JAKMIP2: variants seen among roughly 807,000 people sequenced by gnomAD.
JAKMIP2 encodes janus kinase and microtubule interacting protein 2.
A neutral mutation model predicts 115.0 loss-of-function variants in JAKMIP2; 25 were observed. That is an observed-to-expected ratio of 0.22 (90% CI 0.16 to 0.30). The LOEUF (loss-of-function observed/expected upper bound fraction) is 0.30, where lower values mean the gene tolerates loss of function less well. JAKMIP2 is among the 10% of genes least tolerant of loss of function. The pLI, the probability that JAKMIP2 is intolerant of heterozygous loss-of-function variation, is 1.00. For synonymous variants in JAKMIP2, 334 were observed against 343.6 expected, an observed-to-expected ratio of 0.97 and a Z score of 0.31; for missense variants, 642 against 957.6, an observed-to-expected ratio of 0.67 and a Z score of 4.35.
intron 4 of JAKMIP2, 111 bp from the exon 5 acceptor site, chr5:147,648,585 T>G (rs1758246414): frequency 1.6e-6 from 1 of 644,444 alleles, no homozygotes; most frequent in East Asian, 2.6e-5. Context: ...ATCTGGCTCC[T>G]GAAGTGAGAA....
intron 20 of JAKMIP2, among the ~76,000 whole-genome samples, chr5:147,608,383 T>C (rs1364657418): frequency 2.6e-5 from 4 of 152,230 alleles, no homozygotes; most frequent in Non-Finnish European, 5.9e-5. Context: ...GTCTTTGTTC[T>C]CATTGGTTTC....
intron 1 of JAKMIP2, among the ~76,000 whole-genome samples, chr5:147,747,146 C>A (rs982280728): frequency 2.0e-5 from 3 of 152,024 alleles, no homozygotes; most frequent in African/African-American, 7.2e-5. Flanking sequence ...TTTTGAAAAA[C>A]CAAGATTCCT....
At position 147,589,270 on chromosome 5, in the gene JAKMIP2, A is replaced by C. The variant is rs1418154133; in HGVS notation, c.*2437T>G. On this transcript the variant is annotated 3_prime_UTR_variant, in exon 22 of 22. Coordinates refer to ENST00000616793, the MANE Select transcript of JAKMIP2 (RefSeq NM_001270941.2). ...GAGACCAGCCTGACCAGCATAGTGA[A>C]ACCCTGTCTCTACTAAAAATACAAA... The C allele has an allele frequency of 1.3e-5, 2 of 152,234 alleles. No individual in the cohort carries two copies. The highest frequency in any genetic ancestry group is 4.8e-5 in the African/African-American group (2 of 41,426). 9.4% of individuals were successfully genotyped at this position (152,234 alleles called of 1,614,324 possible). A position where few individuals can be genotyped will look rare whatever the true frequency, so the allele number is the denominator to read the frequency against.
At chr5:147,660,810 T>C in intron 3 of JAKMIP2, 138 bp downstream of exon 3, 1 of 923,148 alleles carries the variant, frequency 1.1e-6, no homozygotes, top group Non-Finnish European at 1.7e-6. Context: ...TGATCTATCT[T>C]GGATAGAGCA....
intron 18 of JAKMIP2, among the ~76,000 whole-genome samples, 191 bp from the exon 19 acceptor site, chr5:147,618,305 G>T (rs962266765): frequency 1.3e-5 from 2 of 152,106 alleles, no homozygotes; most frequent in African/African-American, 4.8e-5. Flanking sequence ...ATTCCATAAG[G>T]GTCATCTAGC....
At chr5:147,698,209 A>G (rs1258141997) in intron 1 of JAKMIP2, among the ~76,000 whole-genome samples, 1 of 152,188 alleles carries the variant, frequency 6.6e-6, no homozygotes, top group Non-Finnish European at 1.5e-5. Flanking sequence ...ATGACCCCAT[A>G]GCCTCTTTGT....
chr5:147,657,034 C>T (rs1463398043), intron 3 of JAKMIP2, among the ~76,000 whole-genome samples: 1 of 152,162 alleles, frequency 6.6e-6, no homozygotes, highest in Non-Finnish European at 1.5e-5. Context: ...AATCCCAGCA[C>T]TTTGGGAGGC....
Position 147,640,606 on chromosome 5 carries a change from T to C in JAKMIP2, c.1401+98A>G, listed in dbSNP as rs1044956612. 4 of 1,277,746 alleles carry C rather than the reference T, an allele frequency of 3.1e-6. No homozygotes were observed. In the Admixed American group the frequency reaches 8.0e-5, roughly 26 times the overall value. 79.2% of individuals were successfully genotyped at this position (1,277,746 alleles called of 1,614,324 possible). A position where few individuals can be genotyped will look rare whatever the true frequency, so the allele number is the denominator to read the frequency against. The stretch of plus-strand genomic sequence containing the variant: ...TATTATGAGATCACTTTGTGCTGTT[T>C]ATATAAAGGAGATGAAAAGTGAAAT... On this transcript the variant is annotated intron_variant, in intron 9 of 21. Coordinates refer to ENST00000616793, the MANE Select transcript of JAKMIP2 (RefSeq NM_001270941.2).
In JAKMIP2 at chr5:147,644,922, G is replaced by C; in HGVS notation, c.1011C>G (p.Asn337Lys). The change falls in exon 6 of 22, where the codon AAC (asparagine) becomes AAG (lysine). Residue 337 changes from asparagine (N) to lysine (K), a missense_variant. Around this residue, in one of 6 missense-constraint regions of JAKMIP2, gnomAD observed 439 missense variants for 570.9 expected, o/e 0.77. Coordinates refer to ENST00000616793, the MANE Select transcript of JAKMIP2 (RefSeq NM_001270941.2). ...GCTGCAAGGACACCATCAGTTCATC[G>C]TTTCTCTTGGCGAGGCACTTGTTCC... Reference protein sequence around the residue: ...LERNKCLAKRNDELMVSLQRM... With the variant: ...LERNKCLAKRKDELMVSLQRM... 1 of 1,613,716 alleles carries C rather than the reference G, an allele frequency of 6.2e-7. No individual in the cohort carries two copies. The highest frequency in any genetic ancestry group is 2.2e-5 in the East Asian group (1 of 44,850).
chr5:147,656,188 T>C (rs1416151234), intron 3 of JAKMIP2, among the ~76,000 whole-genome samples: 1 of 152,196 alleles, frequency 6.6e-6, no homozygotes, highest in African/African-American at 2.4e-5. Context: ...GAATAGAGAG[T>C]TCTGTTCTAT....
intron 1 of JAKMIP2, among the ~76,000 whole-genome samples, chr5:147,676,456 G>A (rs541891301): frequency 3.4e-4 from 52 of 152,196 alleles, no homozygotes; most frequent in Non-Finnish European, 7.3e-4. Context: ...TTATCCGGAG[G>A]AAGGATAGGA....
At chr5:147,736,218 G>C (rs2126982110) in intron 1 of JAKMIP2, among the ~76,000 whole-genome samples, 1 of 152,144 alleles carries the variant, frequency 6.6e-6, no homozygotes, top group South Asian at 2.1e-4. Flanking sequence ...CACTTTGAGA[G>C]GCCATGGCAG....
intron 9 of JAKMIP2, among the ~76,000 whole-genome samples, chr5:147,640,277 C>T (rs867406027): frequency 6.6e-6 from 1 of 152,076 alleles, no homozygotes; most frequent in Non-Finnish European, 1.5e-5. Context: ...TCCTAAGATC[C>T]TGAGTCAGGA....
intron 20 of JAKMIP2, among the ~76,000 whole-genome samples, chr5:147,602,319 G>A (rs1209837214): frequency 6.6e-6 from 1 of 152,110 alleles, no homozygotes; most frequent in Non-Finnish European, 1.5e-5. Flanking sequence ...TTAATCTGTA[G>A]GCTAAATATA....
chr5:147,596,786 A>G (rs1338560121), intron 21 of JAKMIP2, among the ~76,000 whole-genome samples: 1 of 152,196 alleles, frequency 6.6e-6, no homozygotes, highest in Non-Finnish European at 1.5e-5. Flanking sequence ...TTTACACAAA[A>G]AGGAATTACT....
chr5:147,705,544 TGG>T lies in JAKMIP2; in HGVS notation c.-148-33592_-148-33591del, dbSNP rs1284160664. Among the ~76,000 whole-genome samples the T allele has an allele frequency of 2.6e-5, 4 of 152,060 alleles. No individual in the cohort carries two copies. In the East Asian group the frequency reaches 7.7e-4, roughly 29 times the overall value. ...AACATTACACCACTGCACTCCAGCC[TGG>T]GTGACAGAGTGAGACCTGTCTCAAA... On this transcript the variant is annotated intron_variant, in intron 1 of 21. Transcript: ENST00000616793.
chr5:147,696,213 T>C (rs543160876), intron 1 of JAKMIP2, among the ~76,000 whole-genome samples: 5 of 152,288 alleles, frequency 3.3e-5, no homozygotes, highest in South Asian at 4.1e-4. Flanking sequence ...ATACTTCTGA[T>C]ATGGTTTGGC....
chr5:147,688,043 G>A (rs1760655022), intron 1 of JAKMIP2, among the ~76,000 whole-genome samples: 1 of 152,076 alleles, frequency 6.6e-6, no homozygotes, highest in Non-Finnish European at 1.5e-5. Context: ...ACCGCTGCAT[G>A]GTCCTTGTCT....
rs1754914616 is a variant in JAKMIP2 at position 147,587,365 on chromosome 5, A to C, written c.*4342T>G. ...AACACTGTTATGAAAATTTCACAAA[A>C]GGCAACAAGCAATGCAACTCCCAAA... is the stretch of plus-strand genomic sequence containing the variant. On this transcript the variant is annotated 3_prime_UTR_variant, in exon 22 of 22. Coordinates refer to ENST00000616793, the MANE Select transcript of JAKMIP2 (RefSeq NM_001270941.2). The C allele has an allele frequency of 6.6e-6, 1 of 152,136 alleles. No individual in the cohort carries two copies. The highest frequency in any genetic ancestry group is 2.4e-5 in the African/African-American group (1 of 41,414). The allele number at this position is 152,136 out of a possible 1,614,324, so 9.4% of individuals were successfully genotyped here.
Sources: allele counts gnomAD v4.1 joint callset (sites outside exome capture counted in the v4.1 genomes callset), GRCh38; gene constraint gnomAD v4.1.1; regional missense constraint gnomAD v4.1.1; transcripts MANE v1.5; gene names NCBI Gene and HGNC (gene_info 2026-07-23, HGNC 2026-07-21).